SOX5: variants seen among roughly 807,000 people sequenced by gnomAD.
SOX5 encodes the protein SRY-box transcription factor 5.
In SOX5, 9 loss-of-function variants were observed where a neutral mutation model predicts 92.0. The observed-to-expected ratio is 0.10, with a 90% CI of 0.06 to 0.17. The LOEUF (loss-of-function observed/expected upper bound fraction) is 0.17, where lower values mean the gene tolerates loss of function less well. Among genes scored for constraint, SOX5 ranks in the 10% least tolerant of loss-of-function variants. SOX5 has a pLI of 1.00. For synonymous variants in SOX5, 344 were observed against 336.3 expected (o/e 1.02, Z -0.25); for missense variants, 642 against 944.5 (o/e 0.68, Z 4.20).
intron 1 of SOX5, among the ~76,000 whole-genome samples, chr12:24,431,928 C>T (rs151195296): frequency 6.6e-6 from 1 of 152,076 alleles, no homozygotes; most frequent in Admixed American, 6.6e-5. Context: ...AGAAAGGAAA[C>T]AGAAGAAGCA....
intron 3 of SOX5, among the ~76,000 whole-genome samples, chr12:23,820,299 G>C (rs2096081658): frequency 6.6e-6 from 1 of 152,098 alleles, no homozygotes; most frequent in Admixed American, 6.5e-5. Flanking sequence ...ATTTGTTTAA[G>C]TTCCTTGTAG....
At chr12:24,209,121 T>C (rs1011138200) in intron 4 of SOX5, among the ~76,000 whole-genome samples, 7 of 152,192 alleles carry the variant, frequency 4.6e-5, no homozygotes, top group African/African-American at 1.7e-4. Context: ...AGCATTTAAA[T>C]ATTTTGCTTC....
intron 3 of SOX5, among the ~76,000 whole-genome samples, chr12:23,833,120 A>G (rs1359546738): frequency 6.6e-6 from 1 of 152,016 alleles, no homozygotes; most frequent in East Asian, 1.9e-4. Flanking sequence ...TTTGCAAACA[A>G]TTTCCAGGAT....
At chr12:23,747,715 A>G (rs2094037301) in intron 4 of SOX5, among the ~76,000 whole-genome samples, 1 of 152,086 alleles carries the variant, frequency 6.6e-6, no homozygotes, top group Non-Finnish European at 1.5e-5. Context: ...TCCATCTTCT[A>G]GATGCAGGTG....
chr12:24,291,563 A>G (rs1241518903), intron 2 of SOX5, among the ~76,000 whole-genome samples: 1 of 152,268 alleles, frequency 6.6e-6, no homozygotes, highest in African/African-American at 2.4e-5. Flanking sequence ...TTATTCACAT[A>G]AAATGTGCAT....
intron 1 of SOX5, among the ~76,000 whole-genome samples, chr12:24,475,950 C>A (rs1285098717): frequency 2.7e-5 from 4 of 149,624 alleles, no homozygotes; most frequent in Admixed American, 2.0e-4. Context: ...CCACTGCAGT[C>A]TAGCCTGGAT....
At chr12:24,495,767 G>A (rs907005635) in intron 1 of SOX5, among the ~76,000 whole-genome samples, 6 of 152,154 alleles carry the variant, frequency 3.9e-5, no homozygotes, top group African/African-American at 1.4e-4. Context: ...ACAAGAGAAG[G>A]TGTATATTTG....
At chr12:24,141,527 G>T (rs1323298826) in intron 4 of SOX5, among the ~76,000 whole-genome samples, 2 of 152,168 alleles carry the variant, frequency 1.3e-5, no homozygotes, top group Non-Finnish European at 2.9e-5. Flanking sequence ...CACCCCTTTT[G>T]CCTAGCAGGG....
chr12:23,824,550 C>A (rs1001401680), intron 3 of SOX5, among the ~76,000 whole-genome samples: 1 of 152,168 alleles, frequency 6.6e-6, no homozygotes, highest in African/African-American at 2.4e-5. Context: ...GTCTGTTGAC[C>A]CCTGCTGGGA....
intron 4 of SOX5, among the ~76,000 whole-genome samples, chr12:23,973,040 A>G (rs1948520067): frequency 1.3e-5 from 2 of 151,762 alleles, no homozygotes; most frequent in South Asian, 4.2e-4. Flanking sequence ...ACTTTTTTAG[A>G]TTTCACATAT....
chr12:24,148,830 TAGTA>T (rs1951372135), intron 4 of SOX5, among the ~76,000 whole-genome samples: 1 of 151,734 alleles, frequency 6.6e-6, no homozygotes, highest in African/African-American at 2.4e-5. Context: ...TTTGAGTTTA[TAGTA>T]AGCTATGATC....
At chr12:23,893,409 G>A (rs1257545693) in intron 2 of SOX5, among the ~76,000 whole-genome samples, 1 of 151,680 alleles carries the variant, frequency 6.6e-6, no homozygotes, top group Non-Finnish European at 1.5e-5. Context: ...TCGCGCCACT[G>A]CTCTCCAGCC....
intron 10 of SOX5, among the ~76,000 whole-genome samples, chr12:23,569,599 C>T (rs977628377): frequency 1.3e-5 from 2 of 152,190 alleles, no homozygotes; most frequent in Non-Finnish European, 2.9e-5. Context: ...TCCCCTCTTG[C>T]CAGTCTCTCA....
At chr12:23,660,687 GAC>G (rs1233214068) in intron 7 of SOX5, among the ~76,000 whole-genome samples, 1 of 145,546 alleles carries the variant, frequency 6.9e-6, no homozygotes, top group Non-Finnish European at 1.5e-5. Flanking sequence ...ATAGGTGAAA[GAC>G]AATAACTTCC....
chr12:24,431,944 G>C (rs1319831548), intron 1 of SOX5, among the ~76,000 whole-genome samples: 2 of 152,064 alleles, frequency 1.3e-5, no homozygotes, highest in Admixed American at 6.6e-5. Flanking sequence ...AAGCATTTTA[G>C]GGAGTTTTCC....
intron 2 of SOX5, among the ~76,000 whole-genome samples, chr12:24,292,494 A>G (rs1381318055): frequency 2.0e-5 from 3 of 152,242 alleles, no homozygotes; most frequent in Admixed American, 6.5e-5. Flanking sequence ...CTGCTACAAA[A>G]TGAGAACTCA....
At chr12:24,325,062 C>T (rs1388512964) in intron 2 of SOX5, among the ~76,000 whole-genome samples, 2 of 151,572 alleles carry the variant, frequency 1.3e-5, no homozygotes, top group African/African-American at 2.4e-5. Context: ...CATGATAATT[C>T]CAGGTCTAGC....
Position 24,086,112 on chromosome 12 carries a change from G to A in SOX5, c.-2+127231C>T, listed in dbSNP as rs114525152. 2.6e-3 allele frequency among the ~76,000 whole-genome samples: 395 copies of A among 151,970 alleles called. 2 individuals carry two copies. The highest frequency in any genetic ancestry group is 9.1e-3 in the African/African-American group (376 of 41,482). On this transcript the variant is annotated intron_variant, in intron 4 of 4. Coordinates refer to the SOX5 transcript ENST00000446891. ...AGAGTATTCAAAATATTTTTTAAAC[G>A]GTTCTACCTATGATTCCCTCTGTTT... is the stretch of plus-strand genomic sequence containing the variant.
At chr12:24,053,493 A>T (rs909114131) in intron 4 of SOX5, among the ~76,000 whole-genome samples, 1 of 152,158 alleles carries the variant, frequency 6.6e-6, no homozygotes, top group African/African-American at 2.4e-5. Context: ...CAAAAACTCA[A>T]ACCTAGACAA....
Sources: gnomAD v4.1 joint callset for allele counts (sites outside exome capture counted in the v4.1 genomes callset) on GRCh38, gnomAD v4.1.1 for gene constraint, MANE v1.5 for transcripts, NCBI Gene and HGNC (gene_info 2026-07-23, HGNC 2026-07-21) for gene names.